TTC39B: variants seen among roughly 807,000 people sequenced by gnomAD.
TTC39B encodes tetratricopeptide repeat protein 39B.
TTC39B carries 92 observed loss-of-function variants against 96.6 expected under a neutral mutation model. That is an observed-to-expected ratio of 0.95 (90% CI 0.80 to 1.13). TTC39B has a LOEUF of 1.13. Among genes scored for constraint, TTC39B ranks in the 50% most tolerant of loss-of-function variants. The pLI is 0.00. For synonymous variants in TTC39B, 367 were observed against 299.4 expected (o/e 1.23, Z -2.33); for missense variants, 955 against 809.3 (o/e 1.18, Z -2.18).
chr9:15,216,300 CA>C (rs1389055969), intron 3 of TTC39B, among the ~76,000 whole-genome samples: 1 of 152,114 alleles, frequency 6.6e-6, no homozygotes, highest in Admixed American at 6.6e-5. Context: ...ATTACGTGCT[CA>C]AAAAATATGT....
chr9:15,177,613 T>C lies in TTC39B; in HGVS notation c.1841+84A>G, dbSNP rs2800590. On this transcript the variant is annotated intron_variant, in intron 18 of 19. Coordinates refer to ENST00000512701, the Ensembl canonical transcript of TTC39B. ...CAAGTAAGAGTTTAGCAGTAAGAGA[T>C]AAAAGCATTTTGCATCACTTTCTCA... The C allele has an allele frequency of 6.2e-3, 5,541 of 887,472 alleles. 198 individuals carry two copies. The African/African-American group carries it at 0.082, about 13-fold the overall frequency. The allele number at this position is 887,472 out of a possible 1,614,324, so 55.0% of individuals were successfully genotyped here.
chr9:15,249,342 T>C (rs1586956142), intron 2 of TTC39B: 1 of 152,348 alleles, frequency 6.6e-6, no homozygotes, highest in African/African-American at 2.4e-5. Context: ...TCACATTTAC[T>C]GTAATCTGCT....
intron 1 of TTC39B, among the ~76,000 whole-genome samples, chr9:15,289,062 C>G (rs1341543972): frequency 6.6e-6 from 1 of 152,204 alleles, no homozygotes; most frequent in Non-Finnish European, 1.5e-5. Context: ...TCCTTATCTA[C>G]CCCAGGTAGC....
At chr9:15,165,928 T>C (rs898995570) in exon 20 of TTC39B, 2 of 152,206 alleles carry the variant, frequency 1.3e-5, no homozygotes, top group Non-Finnish European at 2.9e-5. Context: ...TAATATTCTT[T>C]ATTATACTTA....
At chr9:15,204,231 A>C (rs765084118) in intron 6 of TTC39B, among the ~76,000 whole-genome samples, 2 of 152,308 alleles carry the variant, frequency 1.3e-5, no homozygotes, top group Middle Eastern at 3.4e-3. Context: ...TAACTTAATT[A>C]GTAACATAAA....
intron 16 of TTC39B, 31 bp downstream of exon 16, chr9:15,185,249 T>C (rs1459431514): frequency 6.3e-7 from 1 of 1,585,430 alleles, no homozygotes; most frequent in Non-Finnish European, 8.6e-7. Flanking sequence ...AATTTATTTC[T>C]AGTACATGAA....
chr9:15,248,589 G>A (rs754854749), intron 2 of TTC39B, among the ~76,000 whole-genome samples: 1 of 147,904 alleles, frequency 6.8e-6, no homozygotes, highest in Non-Finnish European at 1.5e-5. Flanking sequence ...CTTCGTAACA[G>A]ATGTAAACAT....
At chr9:15,254,909 G>A (rs1175553957) in intron 2 of TTC39B, among the ~76,000 whole-genome samples, 1 of 146,336 alleles carries the variant, frequency 6.8e-6, no homozygotes, top group African/African-American at 2.5e-5. Flanking sequence ...GTCAAGTTAC[G>A]CTTGCAGAAA....
intron 2 of TTC39B, 32 bp from the exon 3 acceptor site, chr9:15,226,044 T>C: frequency 3.1e-6 from 5 of 1,602,480 alleles, no homozygotes; most frequent in Non-Finnish European, 4.3e-6. Context: ...CAAGGTTTTT[T>C]ATTTCTTTGT....
At chr9:15,182,442 G>A (rs1229242109) in intron 16 of TTC39B, 27 bp from the exon 17 acceptor site, 2 of 1,509,750 alleles carry the variant, frequency 1.3e-6, no homozygotes, top group African/African-American at 1.4e-5. Context: ...AAAACCATTT[G>A]CAGTTATATG....
At chr9:15,283,916 G>A (rs567219568) in intron 1 of TTC39B, among the ~76,000 whole-genome samples, 1 of 151,768 alleles carries the variant, frequency 6.6e-6, no homozygotes, top group Non-Finnish European at 1.5e-5. Flanking sequence ...TTAAAACAGG[G>A]ACAGTCTTTC....
intron 1 of TTC39B, among the ~76,000 whole-genome samples, chr9:15,299,223 A>T (rs1441667419): frequency 1.3e-5 from 2 of 152,250 alleles, no homozygotes; most frequent in African/African-American, 4.8e-5. Flanking sequence ...CAGATCCAAC[A>T]AACATACAAT....
chr9:15,194,419 T>G, intron 8 of TTC39B, among the ~76,000 whole-genome samples: 1 of 152,174 alleles, frequency 6.6e-6, no homozygotes, highest in Non-Finnish European at 1.5e-5. Flanking sequence ...ATAAAGGAAT[T>G]TAGTATATTT....
rs1024800473 is a variant in TTC39B at position 15,285,637 on chromosome 9, G to A, written c.241-17689C>T. On this transcript the variant is annotated intron_variant, in intron 1 of 19. Coordinates refer to ENST00000512701, the Ensembl canonical transcript of TTC39B. ...CGGGAGGCCGAGGCGGGCGGATCACGAGGTCAGGAGATGGAGACCATCCTG... is the reference window on the plus strand; with the variant it reads ...CGGGAGGCCGAGGCGGGCGGATCACAAGGTCAGGAGATGGAGACCATCCTG... Among the ~76,000 whole-genome samples, 23 of 152,272 alleles carry A rather than the reference G, an allele frequency of 1.5e-4. No individual in the cohort carries two copies. In the East Asian group the frequency reaches 2.9e-3, roughly 19 times the overall value.
chr9:15,189,669 T>C lies in TTC39B; in HGVS notation c.1174-36A>G. ...AGGAAGAAAACACACTGTTCAACAG[T>C]CAACACTGGCTGATTAATTATGGTT... On this transcript the variant is annotated intron_variant, in intron 12 of 19. Transcript: ENST00000512701. 5 of 1,614,036 alleles carry C rather than the reference T, an allele frequency of 3.1e-6. No homozygotes were observed. In the Admixed American group the frequency reaches 6.7e-5, roughly 22 times the overall value.
At chr9:15,270,892 A>C (rs76077844) in intron 1 of TTC39B, among the ~76,000 whole-genome samples, 3,981 of 152,260 alleles carry the variant, frequency 0.026, 170 homozygotes, top group African/African-American at 0.091. Flanking sequence ...ATTTTAAAAA[A>C]GGAAAGGTGA....
chr9:15,204,441 A>G (rs1056211235), intron 6 of TTC39B, among the ~76,000 whole-genome samples: 2 of 152,066 alleles, frequency 1.3e-5, no homozygotes, highest in Admixed American at 6.5e-5. Context: ...AGGTAGGAGA[A>G]TCACTTGAAC....
intron 2 of TTC39B, chr9:15,249,989 ACC>A: frequency 8.8e-7 from 1 of 1,136,674 alleles, no homozygotes; most frequent in South Asian, 1.4e-5. Context: ...CCTCTCTTCT[ACC>A]AGATTTTTTT....
chr9:15,253,587 C>T (rs1038005406), intron 2 of TTC39B, among the ~76,000 whole-genome samples: 2 of 152,214 alleles, frequency 1.3e-5, no homozygotes, highest in Non-Finnish European at 2.9e-5. Flanking sequence ...TTATAGCAGC[C>T]ATAGGAAATT....
Sources: allele counts gnomAD v4.1 joint callset (sites outside exome capture counted in the v4.1 genomes callset), GRCh38; gene constraint gnomAD v4.1.1; transcripts MANE v1.5; gene names NCBI Gene and HGNC (gene_info 2026-07-23, HGNC 2026-07-21).